Variants in KIAA0753 observed in about 807,000 individuals in gnomAD.
KIAA0753 encodes protein moonraker.
Under a neutral mutation model 116.9 loss-of-function variants are expected in KIAA0753, and 114 were observed. The observed-to-expected ratio is 0.98, with a 90% CI of 0.84 to 1.14. KIAA0753 has a LOEUF of 1.14. KIAA0753 is among the 50% of genes most tolerant of loss of function. The pLI is 0.00. For missense variants in KIAA0753, 1,156 were observed against 1,172.4 expected (o/e 0.99, Z 0.20); for synonymous variants, 405 against 413.1 (o/e 0.98, Z 0.24).
At chr17:6,592,264 T>C (rs1969125709) in intron 16 of KIAA0753, among the ~76,000 whole-genome samples, 1 of 151,910 alleles carries the variant, frequency 6.6e-6, no homozygotes, top group Non-Finnish European at 1.5e-5. Context: ...AGAGGGGGAG[T>C]ACTTTTTCTA....
At chr17:6,634,537 C>G (rs1972194488) in intron 2 of KIAA0753, among the ~76,000 whole-genome samples, 1 of 152,250 alleles carries the variant, frequency 6.6e-6, no homozygotes, top group Admixed American at 6.5e-5. Flanking sequence ...GACTGAGTGA[C>G]AGACATGCAA....
intron 2 of KIAA0753, among the ~76,000 whole-genome samples, chr17:6,631,070 T>C (rs1971995840): frequency 6.6e-6 from 1 of 151,634 alleles, no homozygotes; most frequent in Admixed American, 6.6e-5. Context: ...GTTTCACATA[T>C]ACACGAGAGA....
Position 6,589,898 on chromosome 17 carries a change from G to A in KIAA0753, c.2667C>T (p.Leu889=). ...TGTGCTGCATACCCGGTGGGACAAA[G>A]AGGGGAGCTCGGCCTTCTTTCTGTT... ...DSQQKEGRAP[L]FVPPGMQHSI... is the part of the protein sequence containing the mutation. The change falls in exon 18 of 19, where the codon CTC becomes CTT. Residue 889 remains leucine, a synonymous_variant. Transcript: ENST00000361413. The A allele has an allele frequency of 6.2e-7, 1 of 1,613,852 alleles. No homozygotes were observed. The highest frequency in any genetic ancestry group is 8.5e-7 in the Non-Finnish European group (1 of 1,179,892).
chr17:6,605,914 A>G (rs1251705483), intron 12 of KIAA0753, among the ~76,000 whole-genome samples: 1 of 152,242 alleles, frequency 6.6e-6, no homozygotes, highest in Non-Finnish European at 1.5e-5. Context: ...TAAACGGGAC[A>G]CAGAGGATGA....
rs758953421 is a variant in KIAA0753, at chr17:6,579,910, C to T, written c.2787-46G>A. 53 of 1,418,670 alleles carry T rather than the reference C, an allele frequency of 3.7e-5. 1 individual carries two copies. Among genetic ancestry groups the T allele is most frequent in the Admixed American group, 1.5e-4 (9 of 59,628 alleles). The allele number at this position is 1,418,670 out of a possible 1,614,324, so 87.9% of individuals were successfully genotyped here. On this transcript the variant is annotated intron_variant, in intron 18 of 18. Transcript: ENST00000361413. ...CTAAAGGTATGTACAAGGCCAGGCGCGGTGGCTCACACCTGTCATCCCAGC... is the reference window on the plus strand; with the variant it reads ...CTAAAGGTATGTACAAGGCCAGGCGTGGTGGCTCACACCTGTCATCCCAGC...
Position 6,612,229 on chromosome 17 carries a change from T to C in KIAA0753, c.1316-81A>G, listed in dbSNP as rs186137213. Reference sequence around the variant, plus strand: ...CTGAGAATGATTATCTACACACAGATAGGCTCCAAATACCTATCCTAGCCC... The same window carrying C: ...CTGAGAATGATTATCTACACACAGACAGGCTCCAAATACCTATCCTAGCCC... On this transcript the variant is annotated intron_variant, in intron 7 of 18. Transcript: ENST00000361413. 237 of 1,042,568 alleles carry C rather than the reference T, an allele frequency of 2.3e-4. 1 individual carries two copies. In the African/African-American group the frequency reaches 3.2e-3, roughly 14 times the overall value. 64.6% of individuals were successfully genotyped at this position (1,042,568 alleles called of 1,614,324 possible).
intron 4 of KIAA0753, 118 bp from the exon 5 acceptor site, chr17:6,623,689 C>T: frequency 2.2e-6 from 3 of 1,377,320 alleles, no homozygotes; most frequent in Middle Eastern, 2.4e-4. Flanking sequence ...ATTCAAGTCA[C>T]TTGAAAATGA....
At chr17:6,619,011 T>C (rs1469399294) in intron 7 of KIAA0753, among the ~76,000 whole-genome samples, 1 of 152,118 alleles carries the variant, frequency 6.6e-6, no homozygotes, top group African/African-American at 2.4e-5. Context: ...GGTGGATCAC[T>C]TGAGGTCAGG....
intron 12 of KIAA0753, among the ~76,000 whole-genome samples, chr17:6,600,775 G>A (rs562371802): frequency 8.5e-5 from 13 of 152,184 alleles, no homozygotes; most frequent in African/African-American, 2.6e-4. Context: ...AAAAAATAAC[G>A]GTTGTCATTA....
rs551222308 is a variant in KIAA0753 at position 6,593,178 on chromosome 17, C to CA, written c.2440+1793dup. Among the ~76,000 whole-genome samples, 13 of 150,828 alleles carry CA rather than the reference C, an allele frequency of 8.6e-5. No individual in the cohort carries two copies. In the South Asian group the frequency reaches 2.5e-3, roughly 29 times the overall value. ...TATGACTCAAAAAGACAAGCAACCC[C>CA]AAAAAAAAACTGACAAAAGATTTTG... On this transcript the variant is annotated intron_variant, in intron 16 of 18. Coordinates refer to ENST00000361413, the MANE Select transcript of KIAA0753 (RefSeq NM_014804.3).
chr17:6,601,720 G>C (rs1969887314), intron 12 of KIAA0753, among the ~76,000 whole-genome samples: 1 of 152,124 alleles, frequency 6.6e-6, no homozygotes, highest in South Asian at 2.1e-4. Context: ...GAAAACATAA[G>C]AGAAAATCCT....
intron 17 of KIAA0753, among the ~76,000 whole-genome samples, chr17:6,590,267 T>C (rs1968897158): frequency 6.6e-6 from 1 of 152,208 alleles, no homozygotes; most frequent in Non-Finnish European, 1.5e-5. Context: ...CATGTACTGA[T>C]GTGATGCTTT....
chr17:6,624,780 C>A lies in KIAA0753; in HGVS notation c.800G>T (p.Arg267Leu). ...RRQEQAARSA[R>L]MLYVLQQQVK... The stretch of plus-strand genomic sequence containing the variant: ...CTGCTGCTGGAGGACGTAGAGCATT[C>A]GGGCAGAGCGAGCAGCTTGCTCCTG... The change falls in exon 4 of 19, where the codon CGA becomes CTA. Residue 267 changes from arginine to leucine, a missense_variant. By Grantham distance (102) the Arg-to-Leu change is moderately radical (BLOSUM62 -2). Transcript: ENST00000361413. 6.4e-7 allele frequency: 1 copy of A among 1,560,808 alleles called. No individual in the cohort carries two copies. The highest frequency in any genetic ancestry group is 1.2e-5 in the South Asian group (1 of 84,908).
At chr17:6,631,364 C>T (rs1238345993) in intron 2 of KIAA0753, among the ~76,000 whole-genome samples, 2 of 152,160 alleles carry the variant, frequency 1.3e-5, no homozygotes, top group Admixed American at 6.6e-5. Flanking sequence ...AGCAGAGACA[C>T]GGATTACAAT....
chr17:6,627,662 G>A lies in KIAA0753; in HGVS notation c.718+455C>T, dbSNP rs1971756703. 2.0e-5 allele frequency among the ~76,000 whole-genome samples: 3 copies of A among 152,276 alleles called. No individual in the cohort carries two copies. The South Asian group carries it at 6.2e-4, about 32-fold the overall frequency. ...TACACATATACCCACAACTTCCCTTGTCACTGGTGTGTACTCACCTAAATA... is the reference window on the plus strand; with the variant it reads ...TACACATATACCCACAACTTCCCTTATCACTGGTGTGTACTCACCTAAATA... On this transcript the variant is annotated intron_variant, in intron 3 of 18. Coordinates refer to ENST00000361413, the MANE Select transcript of KIAA0753 (RefSeq NM_014804.3).
chr17:6,633,688 G>A (rs1251213676), intron 2 of KIAA0753, among the ~76,000 whole-genome samples: 1 of 152,034 alleles, frequency 6.6e-6, no homozygotes, highest in East Asian at 1.9e-4. Context: ...CTCATAGTAT[G>A]GAATGAGAAA....
At chr17:6,615,690 T>A (rs1970877533) in intron 7 of KIAA0753, among the ~76,000 whole-genome samples, 1 of 141,298 alleles carries the variant, frequency 7.1e-6, no homozygotes, top group Non-Finnish European at 1.5e-5. Flanking sequence ...CTTATATACA[T>A]CAAAGCAACT....
At chr17:6,630,221 T>C (rs1302519524) in intron 2 of KIAA0753, among the ~76,000 whole-genome samples, 1 of 150,738 alleles carries the variant, frequency 6.6e-6, no homozygotes, top group East Asian at 1.9e-4. Flanking sequence ...AAAAAAGAGG[T>C]CCTTAAGTAC....
In KIAA0753 at chr17:6,589,695, T is replaced by C. The variant is rs1968845802; in HGVS notation, c.2786+84A>G. ...GCCCAAAAGCATATGGGATAAGACCTTGGCTAATGCTTTCTCCAGCTTTTT... is the reference window on the plus strand; with the variant it reads ...GCCCAAAAGCATATGGGATAAGACCCTGGCTAATGCTTTCTCCAGCTTTTT... On this transcript the variant is annotated intron_variant, in intron 18 of 18. Coordinates refer to ENST00000361413, the MANE Select transcript of KIAA0753 (RefSeq NM_014804.3). The C allele has an allele frequency of 1.4e-5, 15 of 1,035,086 alleles. No individual in the cohort carries two copies. The South Asian group carries it at 1.7e-4, about 12-fold the overall frequency. The allele number at this position is 1,035,086 out of a possible 1,614,324, so 64.1% of individuals were successfully genotyped here.
Sources: allele counts gnomAD v4.1 joint callset (sites outside exome capture counted in the v4.1 genomes callset), GRCh38; gene constraint gnomAD v4.1.1; transcripts MANE v1.5; gene names NCBI Gene and HGNC (gene_info 2026-07-23, HGNC 2026-07-21).